Variants in PHACTR2 observed in about 807,000 individuals in gnomAD.
PHACTR2 encodes phosphatase and actin regulator 2, also known as chromosome 6 open reading frame 56.
In PHACTR2, 30 loss-of-function variants were observed where a neutral mutation model predicts 76.0. The observed-to-expected ratio is 0.39, with a 90% CI of 0.30 to 0.54. The LOEUF is 0.54. Ranked by LOEUF, PHACTR2 falls within the 20% of genes least tolerant of loss-of-function variation. PHACTR2 has a pLI of 0.61. For synonymous variants in PHACTR2, 292 were observed against 292.5 expected, an observed-to-expected ratio of 1.00 and a Z score of 0.02; for missense variants, 696 against 781.1, an observed-to-expected ratio of 0.89 and a Z score of 1.30.
rs9496668 is a variant in PHACTR2 at position 143,561,679 on chromosome 6, G to A, written c.217+24472G>A. On this transcript the variant is annotated intron_variant, in intron 1 of 11. Transcript: ENST00000367584. The surrounding 1 kb of genome is among the most constrained non-coding windows in gnomAD (Gnocchi z 4.1). ...GTGGTGAGAGGAGTCAAGTTACCACGTGACCTTGAATGAAAGACGTTTGAG... is the reference window on the plus strand; with the variant it reads ...GTGGTGAGAGGAGTCAAGTTACCACATGACCTTGAATGAAAGACGTTTGAG... Among the ~76,000 whole-genome samples, 1,061 of 152,284 alleles carry A rather than the reference G, an allele frequency of 7.0e-3. 15 individuals are homozygous for A. The highest frequency in any genetic ancestry group is 0.022 in the African/African-American group (896 of 41,546).
Position 143,646,336 on chromosome 6 carries a change from A to T in PHACTR2, c.13+38014A>T, listed in dbSNP as rs1360063275. ...AAACTCCTAAATAGAACAAGCATTT[A>T]TCTAACCTTAATATCATAGCATAAC... On this transcript the variant is annotated intron_variant, in intron 1 of 11. Transcript: ENST00000305766. The surrounding 1 kb of genome is among the most constrained non-coding windows in gnomAD (Gnocchi z 4.1). Among the ~76,000 whole-genome samples, 4 of 152,340 alleles carry T rather than the reference A, an allele frequency of 2.6e-5. No individual in the cohort carries two copies. Among genetic ancestry groups the T allele is most frequent in the Non-Finnish European group, 4.4e-5 (3 of 68,022 alleles).
rs73592168 is a variant in PHACTR2, at chr6:143,595,106, A to G, written c.217+57899A>G. Among the ~76,000 whole-genome samples the G allele has an allele frequency of 3.2e-3, 489 of 152,346 alleles. 2 individuals carry two copies. Among genetic ancestry groups the G allele is most frequent in the African/African-American group, 0.011 (468 of 41,584 alleles). On this transcript the variant is annotated intron_variant, in intron 1 of 11. Coordinates refer to the PHACTR2 transcript ENST00000367584. The surrounding 1 kb of genome is among the most constrained non-coding windows in gnomAD (Gnocchi z 4.2). Reference sequence around the variant, plus strand: ...AAGCAAGACAATTTTAGATTCTCATAGTAAGAACAAATTTAGACACCTTCA... The same window carrying G: ...AAGCAAGACAATTTTAGATTCTCATGGTAAGAACAAATTTAGACACCTTCA...
intron 1 of PHACTR2, among the ~76,000 whole-genome samples, chr6:143,560,182 T>G (rs1775246595): frequency 6.6e-6 from 1 of 152,218 alleles, no homozygotes; most frequent in Admixed American, 6.5e-5. Context: ...GAAAAAATAA[T>G]TCACTAGGTT....
At position 143,774,879 on chromosome 6, in the gene PHACTR2, A is replaced by G. The variant is rs1328769977; in HGVS notation, c.1589+664A>G. On this transcript the variant is annotated intron_variant, in intron 8 of 12. Transcript: ENST00000440869. The surrounding 1 kb of genome is among the most constrained non-coding windows in gnomAD (Gnocchi z 5.4). Reference sequence around the variant, plus strand: ...TGCTTTTGCCACTGGTGACTTTACAAGTCCCTTTAACTGGCAGTTTTAATA... The same window carrying G: ...TGCTTTTGCCACTGGTGACTTTACAGGTCCCTTTAACTGGCAGTTTTAATA... Among the ~76,000 whole-genome samples the G allele has an allele frequency of 1.3e-5, 2 of 152,220 alleles. No homozygotes were observed. The highest frequency in any genetic ancestry group is 2.9e-5 in the Non-Finnish European group (2 of 68,042).
chr6:143,676,564 C>A (rs933686726), upstream of PHACTR2, among the ~76,000 whole-genome samples: 2 of 151,982 alleles, frequency 1.3e-5, no homozygotes, highest in African/African-American at 2.4e-5. This position sits in a 1 kb window ranked among gnomAD's most constrained non-coding sequence, Gnocchi z 4.8. Flanking sequence ...TTTTTTCTTA[C>A]GGCAACTCAA....
intron 11 of PHACTR2, among the ~76,000 whole-genome samples, chr6:143,790,946 G>T (rs1472466400): frequency 6.6e-6 from 1 of 152,096 alleles, no homozygotes; most frequent in African/African-American, 2.4e-5. Context: ...CAAAGTGCTG[G>T]GATTACAGGC....
chr6:143,721,402 A>G (rs921854268), intron 2 of PHACTR2, among the ~76,000 whole-genome samples: 1 of 152,344 alleles, frequency 6.6e-6, no homozygotes, highest in South Asian at 2.1e-4. Flanking sequence ...TATTGTTACT[A>G]TAGTAAAACA....
At position 143,830,368 on chromosome 6, in the gene PHACTR2, G is replaced by T. The variant is rs901388300; in HGVS notation, c.*6679G>T. 22 of 148,978 alleles carry T rather than the reference G, an allele frequency of 1.5e-4. No homozygotes were observed. Among genetic ancestry groups the T allele is most frequent in the African/African-American group, 5.4e-4 (22 of 40,454 alleles). The allele number at this position is 148,978 out of a possible 1,614,324, so 9.2% of individuals were successfully genotyped here. A position where few individuals can be genotyped will look rare whatever the true frequency, so the allele number is the denominator to read the frequency against. On this transcript the variant is annotated 3_prime_UTR_variant, in exon 13 of 13. Transcript: ENST00000440869. The stretch of plus-strand genomic sequence containing the variant: ...TGTTATTTCACACTTCAGTTAAAGT[G>T]ATAACAATGGTAAACTGTGATCATT...
rs1776969136 is a variant in PHACTR2 at position 143,662,991 on chromosome 6, C to T, written c.14-49025C>T. Among the ~76,000 whole-genome samples the T allele has an allele frequency of 6.6e-6, 1 of 152,142 alleles. No homozygotes were observed. The highest frequency in any genetic ancestry group is 1.5e-5 in the Non-Finnish European group (1 of 68,020). On this transcript the variant is annotated intron_variant, in intron 1 of 11. Coordinates refer to the PHACTR2 transcript ENST00000305766. This position sits in a 1 kb window ranked among gnomAD's most constrained non-coding sequence, Gnocchi z 4.7. ...GGTTTTCTGTTCCTGTATTAATTTG[C>T]TTAGGATATGATCTCCAGCTGCATC...
upstream of PHACTR2, among the ~76,000 whole-genome samples, chr6:143,607,969 T>C (rs1775905625): frequency 6.6e-6 from 1 of 152,214 alleles, no homozygotes; most frequent in Non-Finnish European, 1.5e-5. Flanking sequence ...GTGTTTTGCA[T>C]AGCATGTGCA....
rs1404717596 is a variant in PHACTR2 at position 143,821,643 on chromosome 6, T to G, written c.1923-2031T>G. On this transcript the variant is annotated intron_variant, in intron 12 of 12. Coordinates refer to ENST00000440869, the MANE Select transcript of PHACTR2 (RefSeq NM_001100164.2). The surrounding 1 kb of genome is among the most constrained non-coding windows in gnomAD (Gnocchi z 5.2). ...TCCCTGAGCAGTGGAGAAAAGAGTT[T>G]GGAGAACTCACAGAGTGAGACTGCA... Among the ~76,000 whole-genome samples, 2 of 152,178 alleles carry G rather than the reference T, an allele frequency of 1.3e-5. No homozygotes were observed. Among genetic ancestry groups the G allele is most frequent in the Admixed American group, 6.5e-5 (1 of 15,280 alleles).
chr6:143,772,131 A>G lies in PHACTR2; in HGVS notation c.1233-127A>G, dbSNP rs1390069463. The G allele has an allele frequency of 1.3e-5, 9 of 683,350 alleles. No homozygotes were observed. The highest frequency in any genetic ancestry group is 1.9e-5 in the Non-Finnish European group (7 of 377,504). 42.3% of individuals were successfully genotyped at this position (683,350 alleles called of 1,614,324 possible). On this transcript the variant is annotated intron_variant, in intron 6 of 12. Transcript: ENST00000440869. The surrounding 1 kb of genome is among the most constrained non-coding windows in gnomAD (Gnocchi z 5.4). ...CATTTCAGTGACTTTAGCCTGGCCT[A>G]TGTCAAGTGTCTGCTTTCCTCAGCC...
chr6:143,810,552 TA>T (rs1171788727), intron 12 of PHACTR2: 10 of 454,878 alleles, frequency 2.2e-5, no homozygotes, highest in African/African-American at 2.0e-4. Flanking sequence ...ATTGATCACT[TA>T]TTTTTTATTA....
rs1407219440 is a variant in PHACTR2 at position 143,755,741 on chromosome 6, A to G, written c.454+1829A>G. On this transcript the variant is annotated intron_variant, in intron 4 of 12. Transcript: ENST00000440869. This position sits in a 1 kb window ranked among gnomAD's most constrained non-coding sequence, Gnocchi z 5.2. ...CCTGTGTGGAAAGTGCACACACCAA[A>G]GCCACAAGGAGAAGCGCTAGGTATA... 6.6e-6 allele frequency among the ~76,000 whole-genome samples: 1 copy of G among 152,188 alleles called. No homozygotes were observed. Among genetic ancestry groups the G allele is most frequent in the Non-Finnish European group, 1.5e-5 (1 of 68,028 alleles).
intron 1 of PHACTR2, among the ~76,000 whole-genome samples, chr6:143,657,170 C>T (rs995932558): frequency 6.6e-5 from 10 of 151,964 alleles, no homozygotes; most frequent in Admixed American, 6.6e-4. Context: ...TTGATAGGTG[C>T]AGCAAATCAC....
intron 11 of PHACTR2, among the ~76,000 whole-genome samples, chr6:143,802,815 C>T (rs1775988373): frequency 6.6e-6 from 1 of 152,132 alleles, no homozygotes; most frequent in Non-Finnish European, 1.5e-5. Context: ...AAATCTTTCT[C>T]TTTATTCCAA....
chr6:143,746,006 C>T (rs1254560019), intron 2 of PHACTR2, among the ~76,000 whole-genome samples: 2 of 152,190 alleles, frequency 1.3e-5, no homozygotes, highest in African/African-American at 4.8e-5. Flanking sequence ...AAACTCAAAA[C>T]TAAAACTAAA....
In PHACTR2 at chr6:143,584,705, C is replaced by A. The variant is rs78332831; in HGVS notation, c.217+47498C>A. Among the ~76,000 whole-genome samples, 1,001 of 152,272 alleles carry A rather than the reference C, an allele frequency of 6.6e-3. 15 individuals carry two copies. Among genetic ancestry groups the A allele is most frequent in the African/African-American group, 0.023 (940 of 41,554 alleles). On this transcript the variant is annotated intron_variant, in intron 1 of 11. Coordinates refer to the PHACTR2 transcript ENST00000367584. ...CTATCAGTGCAGTGACCTCTTCACA[C>A]ACAAAACTTGGCCCAGTGAGTGTCA...
rs116920925 is a variant in PHACTR2 at position 143,682,376 on chromosome 6, C to G, written c.46+4167C>G. Among the ~76,000 whole-genome samples, 214 of 152,290 alleles carry G rather than the reference C, an allele frequency of 1.4e-3. 1 individual carries two copies. In the East Asian group the frequency reaches 0.04, roughly 28 times the overall value. On this transcript the variant is annotated intron_variant, in intron 1 of 12. Coordinates refer to ENST00000440869, the MANE Select transcript of PHACTR2 (RefSeq NM_001100164.2). ...GGGACCACTGGTGCCCACCACCATG[C>G]CCAGCTACTTTGTATTGTTGGTAGA...
Sources: allele counts gnomAD v4.1 joint callset (sites outside exome capture counted in the v4.1 genomes callset), GRCh38; gene constraint gnomAD v4.1.1; non-coding constraint Gnocchi (gnomAD v3.1); transcripts MANE v1.5; gene names NCBI Gene and HGNC (gene_info 2026-07-23, HGNC 2026-07-21).